Variants in ARHGAP17 observed in about 807,000 individuals in gnomAD.
ARHGAP17 encodes the protein rho GTPase-activating protein 17.
In ARHGAP17, 57 loss-of-function variants were observed where a neutral mutation model predicts 99.5. The ratio of observed to expected loss-of-function variants is 0.57; its 90% CI spans 0.46 to 0.71. The LOEUF (loss-of-function observed/expected upper bound fraction) is 0.71, where lower values mean the gene tolerates loss of function less well. ARHGAP17 is among the 30% of genes least tolerant of loss of function. The pLI is 0.00. For missense variants in ARHGAP17, 1,000 were observed against 1,122.4 expected (o/e 0.89, Z 1.56); for synonymous variants, 417 against 429.6 (o/e 0.97, Z 0.36).
intron 1 of ARHGAP17, among the ~76,000 whole-genome samples, chr16:24,999,050 A>C (rs576241523): frequency 1.3e-5 from 2 of 152,246 alleles, no homozygotes; most frequent in East Asian, 3.8e-4. Context: ...CACAGGACAC[A>C]GCCCCATCCA....
At chr16:24,995,411 C>T (rs982461577) in intron 1 of ARHGAP17, among the ~76,000 whole-genome samples, 4 of 152,102 alleles carry the variant, frequency 2.6e-5, no homozygotes, top group African/African-American at 9.7e-5. Flanking sequence ...AACCCAGAGG[C>T]TGGATAGTAC....
At chr16:24,977,387 G>C in intron 2 of ARHGAP17, 68 bp from the exon 3 acceptor site, 3 of 1,290,760 alleles carry the variant, frequency 2.3e-6, no homozygotes, top group Non-Finnish European at 3.2e-6. Flanking sequence ...ATGCTGGTAG[G>C]AAAAGCATGG....
intron 19 of ARHGAP17, among the ~76,000 whole-genome samples, chr16:24,926,059 A>G (rs1400979797): frequency 2.0e-5 from 3 of 150,458 alleles, no homozygotes; most frequent in Admixed American, 6.6e-5. Context: ...GCAGTGAGCC[A>G]AGATCGTGCC....
chr16:24,930,984 C>G lies in ARHGAP17; in HGVS notation c.2315G>C (p.Ser772Thr), dbSNP rs757665175. Reference protein sequence around the residue: ...STPPLGKQNPSLPAPQTLAGG... With the variant: ...STPPLGKQNPTLPAPQTLAGG... Reference sequence around the variant, plus strand: ...TGCCAGGGTCTGAGGAGCTGGCAGACTGGGGTTCTGTTTTCCTAGGGGCGG... The same window carrying G: ...TGCCAGGGTCTGAGGAGCTGGCAGAGTGGGGTTCTGTTTTCCTAGGGGCGG... Residue 772 changes from serine (S) to threonine (T), a missense_variant, in exon 19 of 20, where the codon AGT (serine) becomes ACT (threonine). Transcript: ENST00000289968. 3 of 1,612,808 alleles carry G rather than the reference C, an allele frequency of 1.9e-6. No homozygotes were observed. Among genetic ancestry groups the G allele is most frequent in the Non-Finnish European group, 2.5e-6 (3 of 1,179,832 alleles).
In ARHGAP17 at chr16:24,959,930, T is replaced by A. The variant is rs1178332061; in HGVS notation, c.623A>T (p.Tyr208Phe). The A allele has an allele frequency of 1.9e-6, 3 of 1,614,066 alleles. No homozygotes were observed. Among genetic ancestry groups the A allele is most frequent in the African/African-American group, 2.7e-5 (2 of 74,938 alleles). Residue 208 changes from tyrosine to phenylalanine, a missense_variant, in exon 8 of 20, where the codon TAT (tyrosine) becomes TTT (phenylalanine). This residue lies in a region of ARHGAP17 where 472 missense variants were observed against 611.1 expected (regional missense o/e 0.77). Transcript: ENST00000289968. ...MYNFMAKEGEYGKFFVTLLEA... is the reference protein window; with the variant it reads ...MYNFMAKEGEFGKFFVTLLEA... ...GCTTACCGTAACAAAGAATTTGCCA[T>A]ACTCCCCTTCTTTGGCCATAAAGTT... is the stretch of plus-strand genomic sequence containing the variant.
intron 19 of ARHGAP17, among the ~76,000 whole-genome samples, chr16:24,923,091 A>G (rs2050756864): frequency 6.6e-6 from 1 of 152,168 alleles, no homozygotes; most frequent in Non-Finnish European, 1.5e-5. Context: ...GGCAGCAGAA[A>G]TAAGAAAGGG....
At chr16:24,959,064 A>G (rs1249126615) in intron 9 of ARHGAP17, among the ~76,000 whole-genome samples, 1 of 152,228 alleles carries the variant, frequency 6.6e-6, no homozygotes, top group East Asian at 1.9e-4. Context: ...ATAAGGGGAA[A>G]GTTCAGTCTG....
At chr16:24,947,303 C>G (rs576945257) in intron 14 of ARHGAP17, among the ~76,000 whole-genome samples, 179 bp downstream of exon 14, 7 of 152,330 alleles carry the variant, frequency 4.6e-5, no homozygotes, top group South Asian at 2.1e-4. Context: ...TGTGTCACCA[C>G]CAGCTGGGAC....
intron 19 of ARHGAP17, chr16:24,929,780 T>G (rs2050934067): frequency 4.0e-6 from 2 of 505,518 alleles, no homozygotes; most frequent in South Asian, 1.7e-4. Flanking sequence ...TGTATTATAT[T>G]CCTGAAAAAA....
chr16:25,000,022 G>A (rs576438614), intron 1 of ARHGAP17, among the ~76,000 whole-genome samples: 16 of 152,188 alleles, frequency 1.1e-4, no homozygotes, highest in African/African-American at 2.4e-4. Flanking sequence ...CGTTTCTCAC[G>A]TATAGGAACA....
Position 24,961,911 on chromosome 16 carries a change from T to TTAGGAATTTTATA in ARHGAP17, c.574-1933_574-1932insTATAAAATTCCTA, listed in dbSNP as rs147868119. Among the ~76,000 whole-genome samples the TTAGGAATTTTATA allele has an allele frequency of 1.1e-3, 138 of 129,994 alleles. No homozygotes were observed. The East Asian group carries it at 0.012, about 12-fold the overall frequency. The allele number at this position is 129,994 out of a possible 152,430, so 85.3% of individuals were successfully genotyped here. On this transcript the variant is annotated intron_variant, in intron 7 of 19. Transcript: ENST00000289968. ...TCAAATATAAATATACATAGGAATT[T>TTAGGAATTTTATA]TATATATATATATATATATGAAAAC...
In ARHGAP17 at chr16:24,952,348, C is replaced by T; in HGVS notation, c.987G>A (p.Arg329=). The T allele has an allele frequency of 6.2e-7, 1 of 1,613,110 alleles. No homozygotes were observed. Among genetic ancestry groups the T allele is most frequent in the Non-Finnish European group, 8.5e-7 (1 of 1,179,632 alleles). The change falls in exon 12 of 20, where the codon CGG becomes CGA. Residue 329 remains arginine (R), a synonymous_variant. Transcript: ENST00000289968. Reference sequence around the variant, plus strand: ...AAGTCATCAAAGGTTCAGGCAATTCCCGTAAATAGGATTTTAAAGCACCTG... The same window carrying T: ...AAGTCATCAAAGGTTCAGGCAATTCTCGTAAATAGGATTTTAAAGCACCTG... The part of the protein sequence containing the change: ...AVAGALKSYL[R]ELPEPLMTFN...
intron 7 of ARHGAP17, among the ~76,000 whole-genome samples, chr16:24,961,913 A>ATATATATATATG (rs1555463993): frequency 8.8e-6 from 1 of 113,962 alleles, no homozygotes; most frequent in African/African-American, 3.6e-5. Flanking sequence ...TAGGAATTTT[A>ATATATATATATG]TATATATATA....
chr16:24,958,486 G>A lies in ARHGAP17; in HGVS notation c.724+1185C>T, dbSNP rs144945871. On this transcript the variant is annotated intron_variant, in intron 9 of 19. Coordinates refer to ENST00000289968, the MANE Select transcript of ARHGAP17 (RefSeq NM_001006634.3). ...CATTTTCCAGAGACCTCGTTCCTTT[G>A]CACTGTGACTCAACACCATCCTCCA... Among the ~76,000 whole-genome samples the A allele has an allele frequency of 7.8e-3, 1,188 of 152,282 alleles. 18 individuals are homozygous for A. Among genetic ancestry groups the A allele is most frequent in the African/African-American group, 0.027 (1,140 of 41,554 alleles).
intron 19 of ARHGAP17, among the ~76,000 whole-genome samples, chr16:24,924,308 T>A (rs1317695663): frequency 6.6e-6 from 1 of 152,120 alleles, no homozygotes; most frequent in Non-Finnish European, 1.5e-5. Flanking sequence ...TATATATTAT[T>A]TGCATTCCAA....
chr16:24,967,073 G>C (rs887380834), intron 6 of ARHGAP17, among the ~76,000 whole-genome samples: 2 of 152,212 alleles, frequency 1.3e-5, no homozygotes, highest in African/African-American at 2.4e-5. Context: ...ATTGCTGGGA[G>C]AATCAAATGG....
Position 24,920,197 on chromosome 16 carries a change from GCTGAGT to G in ARHGAP17, c.2573_2578del (p.Asp858_Ser859del). The G allele has an allele frequency of 6.2e-7, 1 of 1,614,154 alleles. No homozygotes were observed. Among genetic ancestry groups the G allele is most frequent in the South Asian group, 1.1e-5 (1 of 91,082 alleles). On this transcript the variant is annotated inframe_deletion, in exon 20 of 20. Transcript: ENST00000289968. ...GATGCGGCCAGGCACGTCTTTGCTGGCTGAGTCTGAGTGCATTTCAGGAAAGATGCT... is the reference window on the plus strand; with the variant it reads ...GATGCGGCCAGGCACGTCTTTGCTGGCTGAGTGCATTTCAGGAAAGATGCT...
At chr16:25,009,364 CAAAAAA>C (rs113928999) in intron 1 of ARHGAP17, among the ~76,000 whole-genome samples, 1 of 117,870 alleles carries the variant, frequency 8.5e-6, no homozygotes, top group African/African-American at 2.8e-5. Context: ...GAGACTCCGT[CAAAAAA>C]AAAAAAAAAA....
chr16:25,000,848 T>G (rs2053342048), intron 1 of ARHGAP17, among the ~76,000 whole-genome samples: 1 of 152,236 alleles, frequency 6.6e-6, no homozygotes, highest in Non-Finnish European at 1.5e-5. Flanking sequence ...ATTCTGCATT[T>G]AAGATCACCT....
Sources: gnomAD v4.1 joint callset for allele counts (sites outside exome capture counted in the v4.1 genomes callset) on GRCh38, gnomAD v4.1.1 for gene constraint, gnomAD v4.1.1 regional missense constraint, MANE v1.5 for transcripts, NCBI Gene and HGNC (gene_info 2026-07-23, HGNC 2026-07-21) for gene names.